PRKCH: variants seen among roughly 807,000 people sequenced by gnomAD.
PRKCH encodes the protein protein kinase C eta type.
In PRKCH, 28 loss-of-function variants were observed where a neutral mutation model predicts 82.5. That is an observed-to-expected ratio of 0.34 (90% CI 0.25 to 0.47). PRKCH has a LOEUF of 0.47. Ranked by LOEUF, PRKCH falls within the 20% of genes least tolerant of loss-of-function variation. The pLI is 1.00. For missense variants in PRKCH, 705 were observed against 881.8 expected (o/e 0.80, Z 2.54); for synonymous variants, 322 against 327.4 (o/e 0.98, Z 0.18).
At chr14:61,292,853 G>A (rs2045376220) in intron 1 of PRKCH, among the ~76,000 whole-genome samples, 1 of 150,608 alleles carries the variant, frequency 6.6e-6, no homozygotes, top group East Asian at 2.0e-4. Flanking sequence ...GGCCGAGGCA[G>A]GAGTATCACT....
chr14:61,540,249 C>T (rs1187432482), intron 12 of PRKCH, among the ~76,000 whole-genome samples: 1 of 152,232 alleles, frequency 6.6e-6, no homozygotes, highest in Non-Finnish European at 1.5e-5. Flanking sequence ...AAGAATGTCA[C>T]ATGAGCCAGC....
intron 1 of PRKCH, among the ~76,000 whole-genome samples, chr14:61,195,929 T>C (rs187046519): frequency 6.6e-6 from 1 of 152,290 alleles, no homozygotes; most frequent in East Asian, 1.9e-4. Flanking sequence ...GGCTTCGGCA[T>C]ATAAATTTTG....
chr14:61,507,216 A>G (rs1218016419), intron 10 of PRKCH, among the ~76,000 whole-genome samples: 1 of 152,194 alleles, frequency 6.6e-6, no homozygotes, highest in Non-Finnish European at 1.5e-5. Flanking sequence ...CATCTGGGAA[A>G]TGCAAATGAA....
intron 1 of PRKCH, among the ~76,000 whole-genome samples, chr14:61,287,204 TAAAAAAAAAAAAAAAAAAA>T (rs35045657): frequency 1.7e-5 from 1 of 57,908 alleles, no homozygotes; most frequent in Non-Finnish European, 3.2e-5. Flanking sequence ...GACTCCGTCT[TAAAAAAAAAAAAAAAAAAA>T]AAAAAAAAAA....
chr14:61,230,510 T>A (rs977669886), intron 1 of PRKCH, among the ~76,000 whole-genome samples: 1 of 152,188 alleles, frequency 6.6e-6, no homozygotes, highest in Admixed American at 6.5e-5. Context: ...TGAAAGCCAT[T>A]TGGGAGCAAC....
intron 1 of PRKCH, among the ~76,000 whole-genome samples, chr14:61,248,776 GTA>G (rs1566793969): frequency 9.4e-4 from 102 of 108,944 alleles, no homozygotes; most frequent in Non-Finnish European, 1.2e-3. Context: ...ATGTATGTAT[GTA>G]TGTATGTATG....
At chr14:61,322,628 C>T (rs1400999464) in intron 1 of PRKCH, 164 bp downstream of exon 1, 3 of 976,816 alleles carry the variant, frequency 3.1e-6, no homozygotes, top group Non-Finnish European at 4.4e-6. Context: ...GACGCGACCG[C>T]GGTGGGTGTG....
intron 3 of PRKCH, among the ~76,000 whole-genome samples, chr14:61,444,752 CT>C: frequency 6.6e-6 from 1 of 152,298 alleles, no homozygotes; most frequent in East Asian, 1.9e-4. Flanking sequence ...CTGTCAATGT[CT>C]CTTCATTTGC....
At chr14:61,449,288 G>A in intron 5 of PRKCH, 36 bp downstream of exon 5, 1 of 1,528,628 alleles carries the variant, frequency 6.5e-7, no homozygotes. Context: ...AAATGTGCGT[G>A]TGTATTGTGT....
Position 61,404,760 on chromosome 14 carries a change from C to G in PRKCH, c.427+13472C>G, listed in dbSNP as rs569528326. Among the ~76,000 whole-genome samples, 413 of 152,260 alleles carry G rather than the reference C, an allele frequency of 2.7e-3. 1 individual carries two copies. The highest frequency in any genetic ancestry group is 3.4e-3 in the Middle Eastern group (1 of 294). On this transcript the variant is annotated intron_variant, in intron 2 of 13. Transcript: ENST00000332981. Reference sequence around the variant, plus strand: ...AGGGAAGGCCCCTCTGATGAGGTATCATTTGAGCCAGAGGTCTGAAGAAAG... The same window carrying G: ...AGGGAAGGCCCCTCTGATGAGGTATGATTTGAGCCAGAGGTCTGAAGAAAG...
At chr14:61,385,042 A>G (rs1423435883) in intron 1 of PRKCH, among the ~76,000 whole-genome samples, 1 of 152,004 alleles carries the variant, frequency 6.6e-6, no homozygotes, top group African/African-American at 2.4e-5. Context: ...TTTAAAGACC[A>G]CTGTTATCTG....
chr14:61,412,819 T>G (rs1259883894), intron 2 of PRKCH, among the ~76,000 whole-genome samples: 1 of 152,188 alleles, frequency 6.6e-6, no homozygotes, highest in Non-Finnish European at 1.5e-5. Flanking sequence ...TCCTGCAAGA[T>G]CTGCCATCTT....
At chr14:61,412,925 G>T (rs1882345345) in intron 2 of PRKCH, among the ~76,000 whole-genome samples, 1 of 151,976 alleles carries the variant, frequency 6.6e-6, no homozygotes, top group African/African-American at 2.4e-5. Context: ...ACCTTTTCCT[G>T]GGTGGATCCA....
chr14:61,328,153 G>A (rs895015154), intron 1 of PRKCH, among the ~76,000 whole-genome samples: 8 of 151,058 alleles, frequency 5.3e-5, no homozygotes, highest in Non-Finnish European at 1.0e-4. Context: ...GGGAGGCTGA[G>A]GCAGGAGAAT....
At chr14:61,265,901 T>G (rs532014596) in intron 1 of PRKCH, among the ~76,000 whole-genome samples, 2 of 152,016 alleles carry the variant, frequency 1.3e-5, no homozygotes, top group African/African-American at 4.8e-5. Flanking sequence ...TCGAGACCAG[T>G]CTGGCCAACA....
chr14:61,519,918 GTCTACAAA>G (rs2042881043), intron 10 of PRKCH, among the ~76,000 whole-genome samples: 1 of 151,572 alleles, frequency 6.6e-6, no homozygotes, highest in Non-Finnish European at 1.5e-5. Context: ...TCAATTCTAA[GTCTACAAA>G]TGTGCAGGTT....
chr14:61,536,686 C>G (rs2043113965), intron 12 of PRKCH, among the ~76,000 whole-genome samples: 1 of 152,168 alleles, frequency 6.6e-6, no homozygotes, highest in African/African-American at 2.4e-5. Context: ...GACCTCAGGG[C>G]TTCATCTGGC....
chr14:61,243,224 A>G (rs966490556), intron 1 of PRKCH, among the ~76,000 whole-genome samples: 3 of 151,516 alleles, frequency 2.0e-5, no homozygotes, highest in Non-Finnish European at 4.4e-5. Context: ...GCAAAACCCC[A>G]TCTCTACTAC....
At chr14:61,439,332 A>G (rs1196797801) in intron 2 of PRKCH, among the ~76,000 whole-genome samples, 1 of 152,184 alleles carries the variant, frequency 6.6e-6, no homozygotes, top group Admixed American at 6.5e-5. Flanking sequence ...TGCTCATGGC[A>G]GCAGTCTAGA....
Sources: gnomAD v4.1 joint callset for allele counts (sites outside exome capture counted in the v4.1 genomes callset) on GRCh38, gnomAD v4.1.1 for gene constraint, MANE v1.5 for transcripts, NCBI Gene and HGNC (gene_info 2026-07-23, HGNC 2026-07-21) for gene names.